CSPG5: variants seen among roughly 807,000 people sequenced by gnomAD.
CSPG5 encodes chondroitin sulfate proteoglycan 5, also known as acidic leucine-rich EGF-like domain-containing brain protein.
In CSPG5, 25 loss-of-function variants were observed where a neutral mutation model predicts 39.8. That is an observed-to-expected ratio of 0.63 (90% CI 0.46 to 0.88). CSPG5 has a LOEUF of 0.88. Among genes scored for constraint, CSPG5 ranks in the 40% least tolerant of loss-of-function variants. The pLI is 0.00. For synonymous variants in CSPG5, 295 were observed against 303.9 expected, an observed-to-expected ratio of 0.97 and a Z score of 0.31; for missense variants, 627 against 702.2, an observed-to-expected ratio of 0.89 and a Z score of 1.21.
At chr3:47,565,682 A>G (rs1422369109) in intron 4 of CSPG5, among the ~76,000 whole-genome samples, 17 of 59,724 alleles carry the variant, frequency 2.8e-4, no homozygotes, top group African/African-American at 9.6e-4. Context: ...GTTAAATAGG[A>G]AAAAAAAAAA....
intron 2 of CSPG5, among the ~76,000 whole-genome samples, chr3:47,575,671 T>C (rs1342838341): frequency 6.6e-6 from 1 of 152,186 alleles, no homozygotes; most frequent in Non-Finnish European, 1.5e-5. Context: ...CTTGATTTTA[T>C]CTGTGTGAGT....
chr3:47,569,333 G>A, intron 3 of CSPG5, 106 bp from the exon 4 acceptor site: 4 of 1,181,034 alleles, frequency 3.4e-6, no homozygotes, highest in Admixed American at 2.0e-5. Context: ...GCTGGGCGTG[G>A]TGGCTCGCGC....
At chr3:47,563,631 T>C (rs1363314682) in intron 4 of CSPG5, among the ~76,000 whole-genome samples, 1 of 150,564 alleles carries the variant, frequency 6.6e-6, no homozygotes, top group East Asian at 2.0e-4. Context: ...CTCGGCTCAC[T>C]GCAATCTTGA....
At chr3:47,566,322 C>G (rs1037342652) in intron 4 of CSPG5, among the ~76,000 whole-genome samples, 5 of 152,152 alleles carry the variant, frequency 3.3e-5, no homozygotes, top group African/African-American at 1.2e-4. Flanking sequence ...CTCCGGCGCC[C>G]CCTTGTCTCT....
intron 4 of CSPG5, among the ~76,000 whole-genome samples, chr3:47,568,237 AC>A (rs1187191950): frequency 1.3e-5 from 2 of 152,214 alleles, no homozygotes; most frequent in Non-Finnish European, 2.9e-5. Context: ...GAAGTATGGA[AC>A]CTGCATTATA....
At position 47,562,689 on chromosome 3, in the gene CSPG5, T is replaced by A. The variant is rs138758003; in HGVS notation, c.1531A>T (p.Ile511Phe). The A allele has an allele frequency of 1.9e-6, 3 of 1,613,892 alleles. No individual in the cohort carries two copies. Among genetic ancestry groups the A allele is most frequent in the Admixed American group, 1.7e-5 (1 of 59,980 alleles). Residue 511 changes from isoleucine (I) to phenylalanine (F), a missense_variant, in exon 5 of 5, where the codon ATC (isoleucine) becomes TTC (phenylalanine). Transcript: ENST00000264723. ...SCLKEEESFN[I>F]QNSMSPKLEG... Reference sequence around the variant, plus strand: ...AGTTTGGGCGACATGGAGTTCTGGATGTTAAATGACTCCTCCTCTTTCAGG... The same window carrying A: ...AGTTTGGGCGACATGGAGTTCTGGAAGTTAAATGACTCCTCCTCTTTCAGG...
At chr3:47,569,115 G>A (rs756432327) in intron 4 of CSPG5, 37 bp downstream of exon 4, 2 of 1,591,926 alleles carry the variant, frequency 1.3e-6, no homozygotes, top group East Asian at 2.3e-5. Context: ...CGGGCATGGG[G>A]GGAGGAGGTA....
chr3:47,565,902 T>C (rs914070879), intron 4 of CSPG5, among the ~76,000 whole-genome samples: 12 of 152,156 alleles, frequency 7.9e-5, no homozygotes, highest in Non-Finnish European at 1.8e-4. Context: ...CTTCCTACAT[T>C]CTCTGTGCCT....
At chr3:47,573,486 G>C (rs1337785297) in intron 2 of CSPG5, among the ~76,000 whole-genome samples, 3 of 152,144 alleles carry the variant, frequency 2.0e-5, no homozygotes, top group Non-Finnish European at 4.4e-5. Context: ...CCCTATCCTA[G>C]TACTATGAGA....
rs907546085 is a variant in CSPG5, at chr3:47,572,245, A to T, written c.1382+441T>A. 6.6e-6 allele frequency among the ~76,000 whole-genome samples: 1 copy of T among 152,212 alleles called. No homozygotes were observed. The highest frequency in any genetic ancestry group is 1.5e-5 in the Non-Finnish European group (1 of 68,038). ...AGGAGGAGCTGATTTTGGGTGACAG[A>T]TGTGAAGGAGATGGAGTTCCTCCAC... On this transcript the variant is annotated intron_variant, in intron 3 of 4. Transcript: ENST00000264723. The surrounding 1 kb of genome is among the most constrained non-coding windows in gnomAD (Gnocchi z 4.5).
chr3:47,565,688 A>C (rs1339684688), intron 4 of CSPG5, among the ~76,000 whole-genome samples: 1 of 152,114 alleles, frequency 6.6e-6, no homozygotes, highest in Non-Finnish European at 1.5e-5. Context: ...TAGGAAAAAA[A>C]AAAAAAAAGC....
At position 47,572,423 on chromosome 3, in the gene CSPG5, G is replaced by T. The variant is rs1014464142; in HGVS notation, c.1382+263C>A. Among the ~76,000 whole-genome samples the T allele has an allele frequency of 1.3e-5, 2 of 152,260 alleles. No homozygotes were observed. Among genetic ancestry groups the T allele is most frequent in the Non-Finnish European group, 2.9e-5 (2 of 68,040 alleles). On this transcript the variant is annotated intron_variant, in intron 3 of 4. Coordinates refer to ENST00000264723, the MANE Select transcript of CSPG5 (RefSeq NM_006574.4). This position sits in a 1 kb window ranked among gnomAD's most constrained non-coding sequence, Gnocchi z 4.5. ...CTGCCTTTTTCACAGCAGGCTCTCA[G>T]ATGCCTAGTGCAGGGTTTTGGGAAA...
intron 2 of CSPG5, among the ~76,000 whole-genome samples, chr3:47,576,456 G>GTT (rs1319610215): frequency 1.5e-5 from 2 of 135,408 alleles, no homozygotes; most frequent in South Asian, 2.7e-4. Flanking sequence ...CCTCTGTTTT[G>GTT]TTTTGTTTTT....
intron 3 of CSPG5, among the ~76,000 whole-genome samples, chr3:47,570,007 C>A (rs532034722): frequency 6.6e-6 from 1 of 152,222 alleles, no homozygotes; most frequent in Non-Finnish European, 1.5e-5. Context: ...CTCAGCCTTC[C>A]CAAAGTGTTA....
At chr3:47,578,994 C>T (rs1408240500), upstream of CSPG5, 1 of 152,858 alleles carries the variant, frequency 6.5e-6, no homozygotes, top group Non-Finnish European at 1.5e-5. This position sits in a 1 kb window ranked among gnomAD's most constrained non-coding sequence, Gnocchi z 6.0. Context: ...AACAGACAGA[C>T]CCCTCGCTGG....
At position 47,562,579 on chromosome 3, in the gene CSPG5, T is replaced by G; in HGVS notation, c.*21A>C. ...CCTACCCCCCACCCACTACCCCCGC[T>G]TCCTCTCTTCTTGCTCTGCTTTAGG... On this transcript the variant is annotated 3_prime_UTR_variant, in exon 5 of 5. Coordinates refer to ENST00000264723, the MANE Select transcript of CSPG5 (RefSeq NM_006574.4). 7 of 1,376,016 alleles carry G rather than the reference T, an allele frequency of 5.1e-6. No individual in the cohort carries two copies. The highest frequency in any genetic ancestry group is 6.1e-6 in the Non-Finnish European group (6 of 986,192). 85.2% of individuals were successfully genotyped at this position (1,376,016 alleles called of 1,614,324 possible).
At position 47,577,672 on chromosome 3, in the gene CSPG5, G is replaced by T; in HGVS notation, c.354C>A (p.Gly118=). Residue 118 remains glycine (G), a synonymous_variant, in exon 2 of 5, where the codon GGC becomes GGA. Transcript: ENST00000264723. The surrounding 1 kb of genome is among the most constrained non-coding windows in gnomAD (Gnocchi z 4.7). ...GCGTAGCTGGAAGGGCCTGGGCATCGCCGCTGCCCGCCTCTGCGGTCACTC... is the reference window on the plus strand; with the variant it reads ...GCGTAGCTGGAAGGGCCTGGGCATCTCCGCTGCCCGCCTCTGCGGTCACTC... The part of the protein sequence containing the change: ...LGGVTAEAGS[G]DAQALPATLQ... 1 of 1,596,086 alleles carries T rather than the reference G, an allele frequency of 6.3e-7. No homozygotes were observed. Among genetic ancestry groups the T allele is most frequent in the Non-Finnish European group, 8.5e-7 (1 of 1,173,642 alleles).
chr3:47,563,172 G>A (rs1262858693), intron 4 of CSPG5, among the ~76,000 whole-genome samples: 1 of 152,120 alleles, frequency 6.6e-6, no homozygotes, highest in Admixed American at 6.6e-5. Flanking sequence ...AGATGTCTTG[G>A]TCAGGGAACA....
chr3:47,565,516 C>A (rs535739508), intron 4 of CSPG5, among the ~76,000 whole-genome samples: 1 of 152,180 alleles, frequency 6.6e-6, no homozygotes, highest in Non-Finnish European at 1.5e-5. Context: ...TGTGGACTCA[C>A]TGCTCCCAGC....
Sources: gnomAD v4.1 joint callset for allele counts (sites outside exome capture counted in the v4.1 genomes callset) on GRCh38, gnomAD v4.1.1 for gene constraint, Gnocchi (gnomAD v3.1) non-coding constraint, MANE v1.5 for transcripts, NCBI Gene and HGNC (gene_info 2026-07-23, HGNC 2026-07-21) for gene names.